Variants in THUMPD3 observed in about 807,000 individuals in gnomAD.
THUMPD3 encodes THUMP domain 3 tRNA guanosine methyltransferase.
Under a neutral mutation model 54.5 loss-of-function variants are expected in THUMPD3, and 44 were observed. The observed-to-expected ratio is 0.81, with a 90% CI of 0.63 to 1.04. The LOEUF (loss-of-function observed/expected upper bound fraction) is 1.04, where lower values mean the gene tolerates loss of function less well. Among genes scored for constraint, THUMPD3 ranks in the 50% least tolerant of loss-of-function variants. The pLI, the probability that THUMPD3 is intolerant of heterozygous loss-of-function variation, is 0.00. For missense variants in THUMPD3, 604 were observed against 601.3 expected (o/e 1.00, Z -0.05); for synonymous variants, 196 against 201.4 (o/e 0.97, Z 0.23).
intron 6 of THUMPD3, among the ~76,000 whole-genome samples, chr3:9,379,412 C>G (rs918674075): frequency 6.6e-6 from 1 of 152,150 alleles, no homozygotes; most frequent in African/African-American, 2.4e-5. Flanking sequence ...AAACACTGCA[C>G]TCATGGATGA....
At chr3:9,375,485 G>A (rs1285453352) in intron 5 of THUMPD3, among the ~76,000 whole-genome samples, 3 of 152,228 alleles carry the variant, frequency 2.0e-5, no homozygotes, top group Middle Eastern at 3.4e-3. Context: ...ACTTGAAAAT[G>A]TTTATTTTCT....
chr3:9,383,277 TA>T lies in THUMPD3; in HGVS notation c.1204del (p.Ile402LeufsTer3), dbSNP rs774815853. On this transcript the variant is annotated frameshift_variant, in exon 8 of 10. Transcript: ENST00000452837. LOFTEE classifies it high-confidence loss of function. ...NLPLRTGSVDIIVTDLPFGKR... is the reference protein window; with the variant it reads ...NLPLRTGSVDXIVTDLPFGKR... ...TGCCATTGAGAACTGGCTCTGTGGA[TA>T]TTATTGTAACAGATTTGCCATTTGG... 2 of 1,613,784 alleles carry T rather than the reference TA, an allele frequency of 1.2e-6. No individual in the cohort carries two copies. The highest frequency in any genetic ancestry group is 1.3e-5 in the African/African-American group (1 of 74,934).
intron 9 of THUMPD3, 72 bp downstream of exon 9, chr3:9,384,407 G>C: frequency 6.3e-7 from 1 of 1,596,150 alleles, no homozygotes; most frequent in South Asian, 1.1e-5. Flanking sequence ...GGGGATGTTT[G>C]TTTGGATAAG....
In THUMPD3 at chr3:9,384,503, A is replaced by ATT. The variant is rs147229917; in HGVS notation, c.1360-14_1360-13dup. ...AAAGTAGATTGTCAACCTAATTGTTATTTTTTTTGTGTGTACACAGGCGTT... is the reference window on the plus strand; with the variant it reads ...AAAGTAGATTGTCAACCTAATTGTTATTTTTTTTTTGTGTGTACACAGGCGTT... On this transcript the variant is annotated intron_variant, in intron 9 of 9. Transcript: ENST00000452837. 10 of 1,611,204 alleles carry ATT rather than the reference A, an allele frequency of 6.2e-6. No individual in the cohort carries two copies. The African/African-American group carries it at 1.2e-4, about 19-fold the overall frequency.
chr3:9,384,189 A>G, intron 8 of THUMPD3, 23 bp from the exon 9 acceptor site: 1 of 1,609,580 alleles, frequency 6.2e-7, no homozygotes, highest in South Asian at 1.1e-5. Flanking sequence ...CAAGTGTTTG[A>G]CTCATGAGAC....
chr3:9,381,296 C>T (rs2728925), intron 7 of THUMPD3, among the ~76,000 whole-genome samples: 19,728 of 152,108 alleles, frequency 0.13, 2,210 homozygotes, highest in East Asian at 0.35. Flanking sequence ...TATAGCCTCG[C>T]CTCTATTTTA....
intron 8 of THUMPD3, 60 bp from the exon 9 acceptor site, chr3:9,384,150 CAT>C (rs1381438871): frequency 1.3e-6 from 2 of 1,568,808 alleles, no homozygotes; most frequent in Non-Finnish European, 1.7e-6. Flanking sequence ...GTTTTTGTTT[CAT>C]ATAGTCCTTC....
Position 9,383,247 on chromosome 3 carries a change from C to T in THUMPD3, c.1173C>T (p.Cys391=). The T allele has an allele frequency of 6.2e-7, 1 of 1,614,098 alleles. No homozygotes were observed. The highest frequency in any genetic ancestry group is 8.5e-7 in the Non-Finnish European group (1 of 1,179,960). ...LPIDAVQWDI[C]NLPLRTGSVD... ...TAGATGCTGTTCAGTGGGATATCTGCAATCTGCCATTGAGAACTGGCTCTG... is the reference window on the plus strand; with the variant it reads ...TAGATGCTGTTCAGTGGGATATCTGTAATCTGCCATTGAGAACTGGCTCTG... The change falls in exon 8 of 10, where the codon TGC becomes TGT. Residue 391 remains cysteine, a synonymous_variant. Coordinates refer to ENST00000452837, the MANE Select transcript of THUMPD3 (RefSeq NM_001114092.2).
rs191236454 is a variant in THUMPD3 at position 9,370,033 on chromosome 3, A to G, written c.331-1027A>G. On this transcript the variant is annotated intron_variant, in intron 3 of 9. Coordinates refer to ENST00000452837, the MANE Select transcript of THUMPD3 (RefSeq NM_001114092.2). ...ATTTTTTGAATCCCTGCTAAAAGCAATGATGAAATTGGCATATTTATACTT... is the reference window on the plus strand; with the variant it reads ...ATTTTTTGAATCCCTGCTAAAAGCAGTGATGAAATTGGCATATTTATACTT... 2.0e-5 allele frequency among the ~76,000 whole-genome samples: 3 copies of G among 152,368 alleles called. No individual in the cohort carries two copies. In the East Asian group the frequency reaches 5.8e-4, roughly 29 times the overall value.
chr3:9,384,697 A>G lies in THUMPD3; in HGVS notation c.*9A>G, dbSNP rs1456194716. 5.6e-6 allele frequency: 9 copies of G among 1,614,062 alleles called. No homozygotes were observed. In the South Asian group the frequency reaches 7.7e-5, roughly 14 times the overall value. The stretch of plus-strand genomic sequence containing the variant: ...GGCAATGCAAAGAATGAAGATGACT[A>G]ATAGTACTTGTACTTCCCACCACTG... On this transcript the variant is annotated 3_prime_UTR_variant, in exon 10 of 10. Coordinates refer to ENST00000452837, the MANE Select transcript of THUMPD3 (RefSeq NM_001114092.2).
chr3:9,363,406 AG>A (rs1381930396), intron 1 of THUMPD3: 1 of 152,202 alleles, frequency 6.6e-6, no homozygotes, highest in Non-Finnish European at 1.5e-5. Flanking sequence ...AGCTGACCTC[AG>A]CTGCATTTTT....
chr3:9,382,874 G>A, intron 7 of THUMPD3: 1 of 193,944 alleles, frequency 5.2e-6, no homozygotes, highest in African/African-American at 2.3e-5. Context: ...CTATAGGTGT[G>A]TGCCATCATG....
intron 4 of THUMPD3, 27 bp from the exon 5 acceptor site, chr3:9,374,489 A>AT: frequency 6.2e-7 from 1 of 1,610,504 alleles, no homozygotes; most frequent in Non-Finnish European, 8.5e-7. Flanking sequence ...TCCTAAAACT[A>AT]TTTTGTCTTG....
At chr3:9,368,380 T>TG (rs71049788) in intron 3 of THUMPD3, among the ~76,000 whole-genome samples, 1 of 141,188 alleles carries the variant, frequency 7.1e-6, no homozygotes, top group African/African-American at 2.8e-5. Context: ...TTTTTTTTTT[T>TG]GAGACAGAGT....
intron 2 of THUMPD3, among the ~76,000 whole-genome samples, chr3:9,366,172 C>T (rs1166553890): frequency 6.6e-6 from 1 of 152,150 alleles, no homozygotes; most frequent in African/African-American, 2.4e-5. Flanking sequence ...AGAGATTTTC[C>T]TTTTAATTTG....
intron 7 of THUMPD3, among the ~76,000 whole-genome samples, chr3:9,382,712 AATC>A (rs1300939241): frequency 6.6e-6 from 1 of 152,098 alleles, no homozygotes; most frequent in African/African-American, 2.4e-5. Flanking sequence ...TCTGCATTAC[AATC>A]ATGTTTTCAG....
chr3:9,373,519 T>C (rs1022069034), intron 4 of THUMPD3, among the ~76,000 whole-genome samples: 6 of 151,958 alleles, frequency 3.9e-5, no homozygotes, highest in African/African-American at 1.5e-4. Flanking sequence ...TGAGGAGCTG[T>C]CTTTGTGCCT....
chr3:9,378,205 T>C (rs750132222), intron 6 of THUMPD3, among the ~76,000 whole-genome samples: 6 of 152,342 alleles, frequency 3.9e-5, no homozygotes, highest in Non-Finnish European at 7.3e-5. Flanking sequence ...AAAAGATAAT[T>C]GAAGGCATAA....
intron 1 of THUMPD3, chr3:9,363,520 T>C (rs1488180130): frequency 6.6e-6 from 1 of 152,154 alleles, no homozygotes; most frequent in African/African-American, 2.4e-5. Flanking sequence ...CACAAGGACA[T>C]TATAGGTATT....
Sources: gnomAD v4.1 joint callset for allele counts (sites outside exome capture counted in the v4.1 genomes callset) on GRCh38, gnomAD v4.1.1 for gene constraint, MANE v1.5 for transcripts, NCBI Gene and HGNC (gene_info 2026-07-23, HGNC 2026-07-21) for gene names.